The following POU2AF2 variants were observed in gnomAD, a reference collection of about 807,000 sequenced individuals.
POU2AF2 encodes POU domain class 2-associating factor 2.
the POU2AF2 span, among the ~76,000 whole-genome samples, chr11:111,256,903 T>C: frequency 6.6e-6 from 1 of 152,212 alleles, no homozygotes; most frequent in African/African-American, 2.4e-5. Context: ...ACATGCAAAA[T>C]CAGATTTTAA....
At chr11:111,265,225 GT>G in the POU2AF2 span, among the ~76,000 whole-genome samples, 1 of 152,142 alleles carries the variant, frequency 6.6e-6, no homozygotes, top group African/African-American at 2.4e-5. Context: ...TCAAAATTCA[GT>G]TCTCATCTTG....
At chr11:111,269,132 G>A in the POU2AF2 span, among the ~76,000 whole-genome samples, 2 of 151,984 alleles carry the variant, frequency 1.3e-5, no homozygotes, top group East Asian at 3.9e-4. Context: ...CCATCTCATA[G>A]CACAGTGCTT....
chr11:111,264,526 AAG>A, the POU2AF2 span, among the ~76,000 whole-genome samples: 1 of 71,280 alleles, frequency 1.4e-5, no homozygotes, highest in Non-Finnish European at 2.8e-5. Flanking sequence ...GAAAGAAAGA[AAG>A]AAAGAAAGAA....
chr11:111,286,212 T>A, the POU2AF2 span: 1 of 725,342 alleles, frequency 1.4e-6, no homozygotes, highest in Non-Finnish European at 2.1e-6. Context: ...TCCTCTCCAC[T>A]GTAACCCCAC....
At chr11:111,274,567 TAAGA>T in the POU2AF2 span, among the ~76,000 whole-genome samples, 19 of 151,364 alleles carry the variant, frequency 1.3e-4, no homozygotes, top group South Asian at 4.2e-4. Context: ...TGTGTGTGTG[TAAGA>T]AAGAAAGAGA....
the POU2AF2 span, among the ~76,000 whole-genome samples, chr11:111,252,626 G>T: frequency 6.6e-6 from 1 of 151,784 alleles, no homozygotes; most frequent in Non-Finnish European, 1.5e-5. Flanking sequence ...CTCAGAAGTT[G>T]AGGGTCAATT....
the POU2AF2 span, among the ~76,000 whole-genome samples, chr11:111,269,741 A>C: frequency 2.0e-5 from 3 of 152,306 alleles, no homozygotes; most frequent in South Asian, 4.1e-4. Flanking sequence ...GCCAAGATCC[A>C]GGGGTAAAAA....
the POU2AF2 span, chr11:111,284,214 G>A: frequency 4.2e-5 from 68 of 1,614,160 alleles, no homozygotes; most frequent in South Asian, 7.4e-4. Context: ...TCCTCCGCAG[G>A]GCAGAGCCAT....
At chr11:111,283,634 C>T in the POU2AF2 span, among the ~76,000 whole-genome samples, 4 of 152,124 alleles carry the variant, frequency 2.6e-5, no homozygotes, top group Admixed American at 2.6e-4. Flanking sequence ...ATATGTGTTA[C>T]CTTATCCAGA....
the POU2AF2 span, among the ~76,000 whole-genome samples, chr11:111,283,693 T>C: frequency 6.6e-6 from 1 of 152,152 alleles, no homozygotes; most frequent in Non-Finnish European, 1.5e-5. Context: ...TTAACAGTTC[T>C]ATGTATATGG....
At chr11:111,246,412 A>T in the POU2AF2 span, among the ~76,000 whole-genome samples, 35,095 of 152,112 alleles carry the variant, frequency 0.23, 4,327 homozygotes, top group East Asian at 0.41. Context: ...CCGGATGTTC[A>T]TCCTGAGATA....
At chr11:111,285,743 A>G in the POU2AF2 span, 3 of 1,613,564 alleles carry the variant, frequency 1.9e-6, no homozygotes, top group Non-Finnish European at 2.5e-6. Flanking sequence ...ACCCAGCACG[A>G]GTTGCCTCTC....
the POU2AF2 span, chr11:111,284,085 T>A: frequency 1.2e-6 from 2 of 1,610,078 alleles, no homozygotes; most frequent in Admixed American, 3.3e-5. Context: ...GGTTCGCCGG[T>A]CACGTCAGGT....
chr11:111,284,498 G>A, the POU2AF2 span: 4 of 1,239,874 alleles, frequency 3.2e-6, no homozygotes, highest in African/African-American at 1.5e-5. Flanking sequence ...GACTCCAGAG[G>A]CTGCTTTGCA....
At chr11:111,256,328 G>A in the POU2AF2 span, among the ~76,000 whole-genome samples, 1 of 152,186 alleles carries the variant, frequency 6.6e-6, no homozygotes, top group Non-Finnish European at 1.5e-5. Flanking sequence ...TCTATTTAAT[G>A]CTGGTTTTCC....
At chr11:111,250,939 C>T in the POU2AF2 span, among the ~76,000 whole-genome samples, 1 of 152,146 alleles carries the variant, frequency 6.6e-6, no homozygotes, top group Non-Finnish European at 1.5e-5. Context: ...AACCCTGTTT[C>T]AGGGAACAGG....
chr11:111,284,368 C>T, the POU2AF2 span: 1 of 1,604,228 alleles, frequency 6.2e-7, no homozygotes, highest in African/African-American at 1.3e-5. Context: ...ACCCAGCTCA[C>T]TTCCTATTTG....
At chr11:111,278,613 G>T in the POU2AF2 span, among the ~76,000 whole-genome samples, 1 of 151,858 alleles carries the variant, frequency 6.6e-6, no homozygotes, top group Non-Finnish European at 1.5e-5. Context: ...ACAGTGAGAA[G>T]CCAGCTTTCT....
the POU2AF2 span, chr11:111,285,744 G>A: frequency 6.2e-7 from 1 of 1,613,534 alleles, no homozygotes; most frequent in Non-Finnish European, 8.5e-7. Flanking sequence ...CCCAGCACGA[G>A]TTGCCTCTCC....
Sources: gnomAD v4.1 joint callset for allele counts (sites outside exome capture counted in the v4.1 genomes callset) on GRCh38, gnomAD v4.1.1 for gene constraint, MANE v1.5 for transcripts, NCBI Gene and HGNC (gene_info 2026-07-23, HGNC 2026-07-21) for gene names.